Variants in DCHS2 observed in about 807,000 individuals in gnomAD.
The protein encoded by DCHS2 is dachsous cadherin-related 2, also known as protocadherin-23.
A neutral mutation model predicts 182.4 loss-of-function variants in DCHS2; 142 were observed. The ratio of observed to expected loss-of-function variants is 0.78; its 90% CI spans 0.68 to 0.89. The LOEUF is 0.89. Ranked by LOEUF, DCHS2 falls within the 40% of genes least tolerant of loss-of-function variation. The probability of loss-of-function intolerance (pLI) is 0.00; values close to 1 mark genes in which losing one functional copy is unlikely to be tolerated. For missense variants in DCHS2, 4,319 were observed against 4,198.6 expected (o/e 1.03, Z -0.79); for synonymous variants, 1,740 against 1,663.3 (o/e 1.05, Z -1.12).
At chr4:154,304,920 T>A in intron 11 of DCHS2, 42 bp from the exon 12 acceptor site, 1 of 1,558,474 alleles carries the variant, frequency 6.4e-7, no homozygotes. Context: ...TGGCCTTTGA[T>A]TCATACCTAA....
At chr4:154,349,908 G>T (rs1430400142) in intron 3 of DCHS2, among the ~76,000 whole-genome samples, 2 of 152,200 alleles carry the variant, frequency 1.3e-5, no homozygotes, top group Admixed American at 1.3e-4. Context: ...GTGAAATGAT[G>T]ATAAATAAAA....
chr4:154,404,961 CT>C (rs1185289827), intron 1 of DCHS2, among the ~76,000 whole-genome samples: 5 of 152,106 alleles, frequency 3.3e-5, no homozygotes, highest in African/African-American at 1.2e-4. Flanking sequence ...AACATTTTCT[CT>C]TGGCATGGGC....
At position 154,490,608 on chromosome 4, in the gene DCHS2, G is replaced by T; in HGVS notation, c.748C>A (p.Leu250Met). 1 of 1,548,516 alleles carries T rather than the reference G, an allele frequency of 6.5e-7. No homozygotes were observed. Among genetic ancestry groups the T allele is most frequent in the Non-Finnish European group, 8.7e-7 (1 of 1,146,542 alleles). ...SSPLEPLDLV[L>M]LRRLDREEAA... ...TCCTCTCGGTCCAAGCGCCGCAGCA[G>T]CACCAGATCTAGAGGCTCCAGGGGT... The change falls in exon 1 of 20, where the codon CTG becomes ATG. Residue 250 changes from leucine to methionine, a missense_variant. Coordinates refer to ENST00000357232, the MANE Select transcript of DCHS2 (RefSeq NM_001358235.2).
intron 19 of DCHS2, among the ~76,000 whole-genome samples, chr4:154,238,506 A>G (rs1731643731): frequency 6.6e-6 from 1 of 152,162 alleles, no homozygotes; most frequent in African/African-American, 2.4e-5. Flanking sequence ...TTTTAAATTA[A>G]ATTAAATGTC....
In DCHS2 at chr4:154,331,601, A is replaced by G. The variant is rs757568967; in HGVS notation, c.3730+877T>C. 24 of 1,612,614 alleles carry G rather than the reference A, an allele frequency of 1.5e-5. No individual in the cohort carries two copies. The African/African-American group carries it at 3.2e-4, about 22-fold the overall frequency. The stretch of plus-strand genomic sequence containing the variant: ...AGGTCACCTTCTCCTAATTCACAGA[A>G]CAGAGACTTGAGAACAAAGGCTTGA... On this transcript the variant is annotated intron_variant, in intron 5 of 19. Coordinates refer to ENST00000357232, the MANE Select transcript of DCHS2 (RefSeq NM_001358235.2).
At chr4:154,440,767 G>T (rs1733975961) in intron 1 of DCHS2, among the ~76,000 whole-genome samples, 1 of 152,098 alleles carries the variant, frequency 6.6e-6, no homozygotes, top group Admixed American at 6.6e-5. Flanking sequence ...AGGCTAAGAA[G>T]TTGTAAGACC....
intron 13 of DCHS2, among the ~76,000 whole-genome samples, chr4:154,286,401 C>G (rs1302530513): frequency 1.4e-4 from 22 of 152,010 alleles, no homozygotes; most frequent in Admixed American, 1.4e-3. Flanking sequence ...AGATAGGTGA[C>G]CTTTCAGACA....
intron 3 of DCHS2, among the ~76,000 whole-genome samples, chr4:154,351,592 C>CT (rs34918859): frequency 5.1e-4 from 78 of 152,192 alleles, no homozygotes; most frequent in African/African-American, 1.8e-3. Context: ...GATCCTCAAC[C>CT]TTTTTGGTAC....
intron 10 of DCHS2, among the ~76,000 whole-genome samples, chr4:154,310,968 G>A (rs746212010): frequency 5.9e-5 from 9 of 152,166 alleles, no homozygotes; most frequent in Non-Finnish European, 1.0e-4. Context: ...TATGGCTGCT[G>A]TCTTGCTATA....
At chr4:154,393,562 G>A (rs1731799760) in intron 1 of DCHS2, among the ~76,000 whole-genome samples, 1 of 152,116 alleles carries the variant, frequency 6.6e-6, no homozygotes, top group Non-Finnish European at 1.5e-5. Context: ...CTAAATTCTG[G>A]CTATGTCCAA....
rs151142161 is a variant in DCHS2 at position 154,395,911 on chromosome 4, A to G, written c.2053-18467T>C. ...ACTCAACTTGTCTCTATGTGTGAAC[A>G]GTATGCTAAGATATTCAATGTGCTT... On this transcript the variant is annotated intron_variant, in intron 1 of 19. Coordinates refer to ENST00000357232, the MANE Select transcript of DCHS2 (RefSeq NM_001358235.2). Among the ~76,000 whole-genome samples the G allele has an allele frequency of 3.3e-3, 508 of 152,372 alleles. 1 individual carries two copies. The highest frequency in any genetic ancestry group is 0.011 in the African/African-American group (476 of 41,586).
Position 154,328,098 on chromosome 4 carries a change from G to A in DCHS2, c.4013C>T (p.Ser1338Phe). The A allele has an allele frequency of 6.3e-7, 1 of 1,597,016 alleles. No individual in the cohort carries two copies. Among genetic ancestry groups the A allele is most frequent in the South Asian group, 1.1e-5 (1 of 87,094 alleles). ...GTATGAACAGTAAGTTTTACCTGAA[G>A]ATACTGAGTATGTAACTTCTGCATT... ...GNNAEVTYSV[S>F]SEDSSDHFKI... The change falls in exon 7 of 20, where the codon TCT becomes TTT. Residue 1338 changes from serine (S) to phenylalanine (F), a missense_variant. Physicochemically the swap from Ser to Phe is radical, Grantham distance 155. Coordinates refer to ENST00000357232, the MANE Select transcript of DCHS2 (RefSeq NM_001358235.2).
At position 154,236,075 on chromosome 4, in the gene DCHS2, A is replaced by C. The variant is rs757002929; in HGVS notation, c.8577T>G (p.Asp2859Glu). ...CCCAGACCACTAAGGAGGCAGTTGCATCACCTTTGTCTTTGGCTTGGACTG... is the reference window on the plus strand; with the variant it reads ...CCCAGACCACTAAGGAGGCAGTTGCCTCACCTTTGTCTTTGGCTTGGACTG... ...CLTVQAKDKG[D>E]ATASLVVWVD... The change falls in exon 20 of 20, where the codon GAT (aspartate) becomes GAG (glutamate). Residue 2859 changes from aspartate (D) to glutamate (E), a missense_variant. Asp to Glu is a conservative substitution (Grantham distance 45, BLOSUM62 2). Coordinates refer to ENST00000357232, the MANE Select transcript of DCHS2 (RefSeq NM_001358235.2). 1.8e-5 allele frequency: 29 copies of C among 1,613,680 alleles called. No individual in the cohort carries two copies. Among genetic ancestry groups the C allele is most frequent in the Non-Finnish European group, 2.5e-5 (29 of 1,179,938 alleles).
At position 154,489,815 on chromosome 4, in the gene DCHS2, G is replaced by A. The variant is rs1011388540; in HGVS notation, c.1541C>T (p.Ala514Val). 6.4e-7 allele frequency: 1 copy of A among 1,551,432 alleles called. No homozygotes were observed. The highest frequency in any genetic ancestry group is 8.7e-7 in the Non-Finnish European group (1 of 1,146,906). ...LYELLLVATD[A>V]GSPPLSTEET... ...CTCCGTGCTCAGCGGCGGGGACCCC[G>A]CGTCCGTGGCCACCAGTAGTAACTC... is the stretch of plus-strand genomic sequence containing the variant. Residue 514 changes from alanine (A) to valine (V), a missense_variant, in exon 1 of 20, where the codon GCG (alanine) becomes GTG (valine). Physicochemically the swap from Ala to Val is moderately conservative, Grantham distance 64. Transcript: ENST00000357232.
intron 1 of DCHS2, among the ~76,000 whole-genome samples, chr4:154,398,299 A>C (rs112070101): frequency 6.6e-6 from 1 of 152,242 alleles, no homozygotes; most frequent in Admixed American, 6.5e-5. Context: ...ACCATGTACA[A>C]ACTTTATCAA....
chr4:154,445,111 A>T (rs1734224922), intron 1 of DCHS2, among the ~76,000 whole-genome samples: 1 of 152,086 alleles, frequency 6.6e-6, no homozygotes, highest in South Asian at 2.1e-4. Context: ...AATTCTACTC[A>T]TACATTTGTC....
intron 1 of DCHS2, among the ~76,000 whole-genome samples, chr4:154,417,827 T>C (rs1420908425): frequency 6.6e-6 from 1 of 152,232 alleles, no homozygotes; most frequent in African/African-American, 2.4e-5. Context: ...CAATTCTCTT[T>C]CTATATTCTA....
intron 1 of DCHS2, among the ~76,000 whole-genome samples, chr4:154,458,207 T>C (rs993768319): frequency 9.1e-6 from 1 of 109,956 alleles, no homozygotes; most frequent in African/African-American, 2.7e-5. Flanking sequence ...TTAGAACAAG[T>C]TTCTATCACC....
intron 7 of DCHS2, 176 bp from the exon 8 acceptor site, chr4:154,322,664 A>G (rs994135846): frequency 1.2e-6 from 1 of 813,576 alleles, no homozygotes; most frequent in Non-Finnish European, 1.8e-6. Context: ...AAAAATTTTT[A>G]TTATGGAAAA....
Sources: gnomAD v4.1 joint callset for allele counts (sites outside exome capture counted in the v4.1 genomes callset) on GRCh38, gnomAD v4.1.1 for gene constraint, MANE v1.5 for transcripts, NCBI Gene and HGNC (gene_info 2026-07-23, HGNC 2026-07-21) for gene names.